UNC13A: variants seen among roughly 807,000 people sequenced by gnomAD.
The protein encoded by UNC13A is protein unc-13 homolog A.
Under a neutral mutation model 219.7 loss-of-function variants are expected in UNC13A, and 61 were observed. That is an observed-to-expected ratio of 0.28 (90% confidence interval 0.23 to 0.34). The LOEUF (loss-of-function observed/expected upper bound fraction) is 0.34, where lower values mean the gene tolerates loss of function less well. Ranked by LOEUF, UNC13A falls within the 10% of genes least tolerant of loss-of-function variation. UNC13A has a pLI of 1.00. For missense variants in UNC13A, 1,476 were observed against 2,270.3 expected (o/e 0.65, Z 7.11); for synonymous variants, 920 against 884.6 (o/e 1.04, Z -0.71).
chr19:17,631,979 C>T (rs1259095995), intron 28 of UNC13A, among the ~76,000 whole-genome samples: 4 of 152,272 alleles, frequency 2.6e-5, no homozygotes, highest in East Asian at 1.9e-4. Flanking sequence ...GGTGCAATCT[C>T]GGCTCACTGC....
At chr19:17,631,154 T>C (rs1167216888) in intron 28 of UNC13A, among the ~76,000 whole-genome samples, 1 of 43,878 alleles carries the variant, frequency 2.3e-5, no homozygotes, top group Non-Finnish European at 4.7e-5. Flanking sequence ...GCTCTTGTTT[T>C]CTCCCTCCCT....
chr19:17,640,870 T>C (rs1193160880), intron 21 of UNC13A, among the ~76,000 whole-genome samples: 1 of 118,212 alleles, frequency 8.5e-6, no homozygotes, highest in African/African-American at 3.3e-5. Context: ...GCTTCTTTTT[T>C]TCTTTCTTTC....
chr19:17,661,749 A>G (rs1269113771), intron 8 of UNC13A, among the ~76,000 whole-genome samples: 3 of 152,136 alleles, frequency 2.0e-5, no homozygotes, highest in Non-Finnish European at 4.4e-5. Flanking sequence ...ATTTCTCTAG[A>G]AGAGGCGGGG....
At chr19:17,609,861 C>T (rs2076582819) in intron 43 of UNC13A, 79 bp downstream of exon 43, 1 of 1,590,736 alleles carries the variant, frequency 6.3e-7, no homozygotes, top group Admixed American at 1.7e-5. Context: ...CAGATACCTC[C>T]TGCCTAGCTG....
At chr19:17,678,073 T>C (rs1396649609) in intron 1 of UNC13A, among the ~76,000 whole-genome samples, 3 of 152,244 alleles carry the variant, frequency 2.0e-5, no homozygotes, top group Non-Finnish European at 4.4e-5. Flanking sequence ...TTTGTATCTC[T>C]GTCCTCATCG....
chr19:17,681,851 T>C (rs543824020), intron 1 of UNC13A, among the ~76,000 whole-genome samples: 1 of 152,074 alleles, frequency 6.6e-6, no homozygotes, highest in Non-Finnish European at 1.5e-5. Context: ...CTTGGAGCGC[T>C]CCTCGGGCCC....
intron 43 of UNC13A, among the ~76,000 whole-genome samples, chr19:17,608,324 AT>A (rs1306312180): frequency 7.3e-6 from 1 of 136,692 alleles, no homozygotes; most frequent in East Asian, 2.0e-4. Context: ...TTTATACTAT[AT>A]AATATATACT....
chr19:17,647,691 C>T (rs1199540169), intron 16 of UNC13A, among the ~76,000 whole-genome samples, 199 bp from the exon 17 acceptor site: 1 of 151,774 alleles, frequency 6.6e-6, no homozygotes, highest in Non-Finnish European at 1.5e-5. Flanking sequence ...TCCTCTGAGT[C>T]GCCATGTCCC....
At chr19:17,648,344 C>A in intron 16 of UNC13A, 87 bp downstream of exon 16, 5 of 618,048 alleles carry the variant, frequency 8.1e-6, no homozygotes, top group African/African-American at 2.1e-5. Context: ...CCCCACCCAT[C>A]GCCTTGCCCT....
rs761594899 is a variant in UNC13A, at chr19:17,620,766, G to A, written c.4243-44C>T. The A allele has an allele frequency of 1.9e-6, 3 of 1,608,926 alleles. No individual in the cohort carries two copies. In the Admixed American group the frequency reaches 5.0e-5, roughly 27 times the overall value. On this transcript the variant is annotated intron_variant, in intron 37 of 43. Coordinates refer to ENST00000519716, the MANE Select transcript of UNC13A (RefSeq NM_001080421.3). ...GGAGGTCAGAGTTCTGGTGACTGTT[G>A]GGAGGATACTCAGTGGGACTTCCCT...
At chr19:17,628,037 G>T in intron 31 of UNC13A, 97 bp from the exon 32 acceptor site, 1 of 1,232,684 alleles carries the variant, frequency 8.1e-7, no homozygotes, top group Non-Finnish European at 1.2e-6. Flanking sequence ...TTCAGGGTCT[G>T]GGTCTGGAGG....
At chr19:17,657,833 C>A (rs1010022313) in intron 9 of UNC13A, among the ~76,000 whole-genome samples, 6 of 149,412 alleles carry the variant, frequency 4.0e-5, no homozygotes, top group African/African-American at 1.5e-4. Context: ...GGTGCCACTG[C>A]ACTCCAGCCT....
At position 17,605,346 on chromosome 19, in the gene UNC13A, T is replaced by C. The variant is rs1200541846; in HGVS notation, c.*708A>G. On this transcript the variant is annotated 3_prime_UTR_variant, in exon 44 of 44. Coordinates refer to ENST00000519716, the MANE Select transcript of UNC13A (RefSeq NM_001080421.3). Reference sequence around the variant, plus strand: ...CTCTATGATATGAGGACTGGGTTTGTTGGGGGAGAGGGAGAGGCAAACTCC... The same window carrying C: ...CTCTATGATATGAGGACTGGGTTTGCTGGGGGAGAGGGAGAGGCAAACTCC... 2.6e-5 allele frequency: 4 copies of C among 152,784 alleles called. No homozygotes were observed. Among genetic ancestry groups the C allele is most frequent in the Admixed American group, 6.5e-5 (1 of 15,304 alleles). The allele number at this position is 152,784 out of a possible 1,614,324, so 9.5% of individuals were successfully genotyped here. A position where few individuals can be genotyped will look rare whatever the true frequency, so the allele number is the denominator to read the frequency against.
intron 12 of UNC13A, among the ~76,000 whole-genome samples, chr19:17,651,849 TC>T (rs2079354997): frequency 6.6e-6 from 1 of 152,198 alleles, no homozygotes. Flanking sequence ...AAGGTCACTA[TC>T]GTGCTGCTAT....
chr19:17,619,257 C>T (rs906371413), intron 38 of UNC13A, among the ~76,000 whole-genome samples: 3 of 151,930 alleles, frequency 2.0e-5, no homozygotes, highest in Admixed American at 6.6e-5. Flanking sequence ...GAGCCTCAGA[C>T]GGTGGTGTTT....
chr19:17,627,883 C>G lies in UNC13A; in HGVS notation c.3811G>C (p.Glu1271Gln). ...CTCACCTCCTTTCCTCCCATGGCTT[C>G]GAACATCTTCTCCAGCTGAACTCGT... ...QLRVQLEKMFEAMGGKELDAE... is the reference protein window; with the variant it reads ...QLRVQLEKMFQAMGGKELDAE... The change falls in exon 32 of 44, where the codon GAA becomes CAA. Residue 1271 changes from glutamate (E) to glutamine (Q), a missense_variant. Transcript: ENST00000519716. The surrounding 1 kb of genome is among the most constrained non-coding windows in gnomAD (Gnocchi z 4.7). 1 of 1,604,498 alleles carries G rather than the reference C, an allele frequency of 6.2e-7. No homozygotes were observed. Among genetic ancestry groups the G allele is most frequent in the Non-Finnish European group, 8.5e-7 (1 of 1,174,814 alleles).
At chr19:17,652,351 C>T (rs556771656) in intron 12 of UNC13A, among the ~76,000 whole-genome samples, 5 of 152,212 alleles carry the variant, frequency 3.3e-5, no homozygotes, top group African/African-American at 1.2e-4. Context: ...AGGCTGGTTT[C>T]GAACTCCTGA....
At position 17,649,358 on chromosome 19, in the gene UNC13A, G is replaced by T. The variant is rs1431867706; in HGVS notation, c.1519-14C>A. The T allele has an allele frequency of 1.2e-6, 2 of 1,600,348 alleles. No homozygotes were observed. Among genetic ancestry groups the T allele is most frequent in the African/African-American group, 1.3e-5 (1 of 74,738 alleles). ...ACTCACCATGGCCTGAAGTGTCCACGCAGCACATGGGGGTAGAAATCAGAC... is the reference window on the plus strand; with the variant it reads ...ACTCACCATGGCCTGAAGTGTCCACTCAGCACATGGGGGTAGAAATCAGAC... On this transcript the variant is annotated splice_polypyrimidine_tract_variant and intron_variant, in intron 13 of 43. Transcript: ENST00000519716. The surrounding 1 kb of genome is among the most constrained non-coding windows in gnomAD (Gnocchi z 4.4).
intron 43 of UNC13A, among the ~76,000 whole-genome samples, chr19:17,608,595 G>A (rs1423301997): frequency 6.7e-6 from 1 of 149,836 alleles, no homozygotes; most frequent in Non-Finnish European, 1.5e-5. Context: ...TCGGCTCACT[G>A]CAAGCTCTGC....
Sources: gnomAD v4.1 joint callset for allele counts (sites outside exome capture counted in the v4.1 genomes callset) on GRCh38, gnomAD v4.1.1 for gene constraint, Gnocchi (gnomAD v3.1) non-coding constraint, MANE v1.5 for transcripts, NCBI Gene and HGNC (gene_info 2026-07-23, HGNC 2026-07-21) for gene names.